Variants in JAKMIP2 observed in about 807,000 individuals in gnomAD.
JAKMIP2 encodes the protein janus kinase and microtubule interacting protein 2, also known as janus kinase and microtubule-interacting protein 2.
Under a neutral mutation model 115.0 loss-of-function variants are expected in JAKMIP2, and 25 were observed. The observed-to-expected ratio is 0.22, with a 90% confidence interval of 0.16 to 0.30. The LOEUF (loss-of-function observed/expected upper bound fraction) is 0.30. Among genes scored for constraint, JAKMIP2 ranks in the 10% least tolerant of loss-of-function variants. The pLI is 1.00. For missense variants in JAKMIP2, 642 were observed against 957.6 expected, an observed-to-expected ratio of 0.67 and a Z score of 4.35; for synonymous variants, 334 against 343.6, an observed-to-expected ratio of 0.97 and a Z score of 0.31.
intron 1 of JAKMIP2, among the ~76,000 whole-genome samples, chr5:147,764,521 A>C (rs764701176): frequency 6.6e-6 from 1 of 152,050 alleles, no homozygotes; most frequent in Non-Finnish European, 1.5e-5. Flanking sequence ...GCAAAGACAC[A>C]AAAAATGGTA....
chr5:147,722,459 C>G (rs760515671), intron 1 of JAKMIP2, among the ~76,000 whole-genome samples: 1 of 152,170 alleles, frequency 6.6e-6, no homozygotes, highest in Non-Finnish European at 1.5e-5. Flanking sequence ...AAAAATTCCT[C>G]TTCATGATTT....
intron 1 of JAKMIP2, among the ~76,000 whole-genome samples, chr5:147,677,866 T>C (rs1760054263): frequency 6.6e-6 from 1 of 152,230 alleles, no homozygotes; most frequent in African/African-American, 2.4e-5. Context: ...CTTTTAAGTA[T>C]ACAACACATT....
chr5:147,762,838 T>G (rs1386284602), intron 1 of JAKMIP2, among the ~76,000 whole-genome samples: 2 of 152,140 alleles, frequency 1.3e-5, no homozygotes, highest in Admixed American at 1.3e-4. Context: ...TTCCCAATGA[T>G]ATAATCCTAA....
At chr5:147,671,555 T>C in intron 2 of JAKMIP2, 123 bp downstream of exon 2, 1 of 696,902 alleles carries the variant, frequency 1.4e-6, no homozygotes, top group East Asian at 3.3e-5. Flanking sequence ...ACAGGGGACG[T>C]TGCCCTCTCT....
intron 1 of JAKMIP2, among the ~76,000 whole-genome samples, chr5:147,683,556 T>C (rs1470965486): frequency 6.6e-6 from 1 of 152,076 alleles, no homozygotes; most frequent in Non-Finnish European, 1.5e-5. Flanking sequence ...TTAAAAAAAA[T>C]GCCCAAATTA....
chr5:147,745,398 C>T (rs1360534321), intron 1 of JAKMIP2, among the ~76,000 whole-genome samples: 1 of 152,124 alleles, frequency 6.6e-6, no homozygotes, highest in Non-Finnish European at 1.5e-5. Flanking sequence ...ACAGAGAATG[C>T]CAACAGTAAC....
At chr5:147,685,633 C>G (rs1760529771) in intron 1 of JAKMIP2, among the ~76,000 whole-genome samples, 1 of 152,134 alleles carries the variant, frequency 6.6e-6, no homozygotes, top group Admixed American at 6.6e-5. Context: ...CATCTTCTTA[C>G]TATTTATTGA....
At chr5:147,740,766 G>A (rs1228957959) in intron 1 of JAKMIP2, among the ~76,000 whole-genome samples, 1 of 152,142 alleles carries the variant, frequency 6.6e-6, no homozygotes, top group Non-Finnish European at 1.5e-5. Context: ...CACTTAGTAT[G>A]TGCTTGATAA....
At chr5:147,742,155 A>ATATATATT in intron 1 of JAKMIP2, among the ~76,000 whole-genome samples, 3 of 108,884 alleles carry the variant, frequency 2.8e-5, no homozygotes, top group African/African-American at 1.1e-4. Flanking sequence ...ATATATATAT[A>ATATATATT]TTTTTTTTAC....
intron 19 of JAKMIP2, among the ~76,000 whole-genome samples, chr5:147,614,044 TC>T (rs1756455630): frequency 6.6e-6 from 1 of 152,236 alleles, no homozygotes; most frequent in South Asian, 2.1e-4. Flanking sequence ...TTCACGTAAT[TC>T]CTTGGCATGT....
chr5:147,639,165 T>A (rs1757764445), intron 10 of JAKMIP2, among the ~76,000 whole-genome samples: 1 of 152,242 alleles, frequency 6.6e-6, no homozygotes, highest in African/African-American at 2.4e-5. Flanking sequence ...CAAATTTCTC[T>A]TTTATAAAAT....
chr5:147,635,712 C>G (rs190010558), intron 12 of JAKMIP2, among the ~76,000 whole-genome samples: 1 of 152,258 alleles, frequency 6.6e-6, no homozygotes, highest in East Asian at 1.9e-4. Context: ...CAGGCATGTG[C>G]CACCACATCT....
chr5:147,698,087 G>A (rs1034309835), intron 1 of JAKMIP2, among the ~76,000 whole-genome samples: 10 of 152,184 alleles, frequency 6.6e-5, no homozygotes, highest in Non-Finnish European at 1.5e-5. Context: ...GCTTCCCAAG[G>A]CCATGAGCCC....
Position 147,782,640 on chromosome 5 carries a change from A to G in JAKMIP2, c.-333T>C. The G allele has an allele frequency of 1.4e-6, 1 of 697,854 alleles. No homozygotes were observed. The highest frequency in any genetic ancestry group is 2.7e-5 in the East Asian group (1 of 36,730). The allele number at this position is 697,854 out of a possible 1,614,324, so 43.2% of individuals were successfully genotyped here. A position where few individuals can be genotyped will look rare whatever the true frequency, so the allele number is the denominator to read the frequency against. On this transcript the variant is annotated 5_prime_UTR_variant, in exon 1 of 22. Coordinates refer to ENST00000616793, the MANE Select transcript of JAKMIP2 (RefSeq NM_001270941.2). The stretch of plus-strand genomic sequence containing the variant: ...ACCACCCTTCCAGCCCCACTAGAGT[A>G]TCAGCAATAGAGGCGGCGGCGGCGG...
intron 1 of JAKMIP2, among the ~76,000 whole-genome samples, chr5:147,778,840 T>C (rs17624756): frequency 0.14 from 20,682 of 152,120 alleles, 1,485 homozygotes; most frequent in Middle Eastern, 0.2. Context: ...CTTGCTAGCA[T>C]ACGCAAATGC....
At chr5:147,612,011 C>T (rs1343288316) in intron 20 of JAKMIP2, 1 of 516,530 alleles carries the variant, frequency 1.9e-6, no homozygotes, top group Non-Finnish European at 3.6e-6. Context: ...GGTAACAAAA[C>T]TTGAAGAAAC....
intron 19 of JAKMIP2, among the ~76,000 whole-genome samples, chr5:147,612,721 A>G (rs1318914962): frequency 2.0e-5 from 3 of 152,222 alleles, no homozygotes; most frequent in Non-Finnish European, 4.4e-5. Context: ...GCAAGTTGGA[A>G]TAAGATTTGG....
chr5:147,700,813 C>T (rs1254788048), intron 1 of JAKMIP2, among the ~76,000 whole-genome samples: 1 of 152,128 alleles, frequency 6.6e-6, no homozygotes, highest in African/African-American at 2.4e-5. Flanking sequence ...TTTTGTAGCT[C>T]TCAGATGCCT....
rs1408221116 is a variant in JAKMIP2, at chr5:147,742,138, A to ATT, written c.-149+40316_-149+40317dup. ...TTGTTCCGCATTAGCCCTGTGGATC[A>ATT]TTATATATATATATATATTTTTTTT... is the stretch of plus-strand genomic sequence containing the variant. On this transcript the variant is annotated intron_variant, in intron 1 of 21. Transcript: ENST00000616793. Among the ~76,000 whole-genome samples, 930 of 101,952 alleles carry ATT rather than the reference A, an allele frequency of 9.1e-3. 24 individuals carry two copies. The highest frequency in any genetic ancestry group is 0.052 in the East Asian group (131 of 2,496). 66.9% of individuals were successfully genotyped at this position (101,952 alleles called of 152,430 possible).
Sources: allele counts gnomAD v4.1 joint callset (sites outside exome capture counted in the v4.1 genomes callset), GRCh38; gene constraint gnomAD v4.1.1; transcripts MANE v1.5; gene names NCBI Gene and HGNC (gene_info 2026-07-23, HGNC 2026-07-21).